Variants in CALN1 observed in about 807,000 individuals in gnomAD.
CALN1 encodes the protein calneuron 1, also known as calcium-binding protein 8.
CALN1 carries 17 observed loss-of-function variants against 30.6 expected under a neutral mutation model. The ratio of observed to expected loss-of-function variants is 0.56; its 90% CI spans 0.38 to 0.83. CALN1 has a LOEUF of 0.83. Ranked by LOEUF, CALN1 falls within the 40% of genes least tolerant of loss-of-function variation. The pLI, the probability that CALN1 is intolerant of heterozygous loss-of-function variation, is 0.00. For missense variants in CALN1, 291 were observed against 354.9 expected, an observed-to-expected ratio of 0.82 and a Z score of 1.45; for synonymous variants, 156 against 131.4, an observed-to-expected ratio of 1.19 and a Z score of -1.28.
At chr7:72,351,265 G>T (rs1051600208) in intron 2 of CALN1, among the ~76,000 whole-genome samples, 2 of 152,112 alleles carry the variant, frequency 1.3e-5, no homozygotes, top group Admixed American at 1.3e-4. Flanking sequence ...CCCTTTGGGA[G>T]GCTGAGGCAG....
At chr7:72,392,831 T>C (rs567518227) in intron 2 of CALN1, among the ~76,000 whole-genome samples, 1 of 109,250 alleles carries the variant, frequency 9.2e-6, no homozygotes, top group East Asian at 3.8e-4. Flanking sequence ...AGACCCTGTT[T>C]CATTAAAAAA....
chr7:72,147,258 A>C (rs529564948), intron 3 of CALN1, among the ~76,000 whole-genome samples: 1 of 152,296 alleles, frequency 6.6e-6, no homozygotes, highest in East Asian at 1.9e-4. Flanking sequence ...CAAAGAACTC[A>C]AACAAATTTA....
intron 5 of CALN1, among the ~76,000 whole-genome samples, chr7:71,897,238 GT>G (rs1192865481): frequency 6.6e-6 from 1 of 152,130 alleles, no homozygotes; most frequent in Non-Finnish European, 1.5e-5. Flanking sequence ...GGTGTTTATT[GT>G]TTTTTGTTAT....
intron 6 of CALN1, among the ~76,000 whole-genome samples, chr7:71,801,181 T>A (rs928342024): frequency 3.3e-5 from 5 of 152,114 alleles, no homozygotes; most frequent in African/African-American, 1.2e-4. Flanking sequence ...CCATGGTGTA[T>A]ATGTACCACA....
At chr7:72,251,462 G>A (rs531452645) in intron 3 of CALN1, among the ~76,000 whole-genome samples, 1 of 152,052 alleles carries the variant, frequency 6.6e-6, no homozygotes, top group Non-Finnish European at 1.5e-5. Flanking sequence ...GCAGTGGTGT[G>A]ATCATAGCTC....
intron 5 of CALN1, among the ~76,000 whole-genome samples, chr7:71,875,323 A>G (rs1792182992): frequency 6.6e-6 from 1 of 152,220 alleles, no homozygotes; most frequent in African/African-American, 2.4e-5. Context: ...GTCACACCCA[A>G]GTTTGCCACC....
intron 3 of CALN1, among the ~76,000 whole-genome samples, chr7:72,111,068 G>A (rs1360837141): frequency 6.6e-6 from 1 of 152,134 alleles, no homozygotes; most frequent in Non-Finnish European, 1.5e-5. Flanking sequence ...TCTCTGGTGC[G>A]CCAGGGCTAC....
chr7:72,051,141 G>C (rs1802811671), intron 4 of CALN1, among the ~76,000 whole-genome samples: 1 of 151,844 alleles, frequency 6.6e-6, no homozygotes, highest in Non-Finnish European at 1.5e-5. Context: ...GGTGATGGTA[G>C]AATTAGTTAA....
intron 2 of CALN1, among the ~76,000 whole-genome samples, chr7:72,399,706 A>G (rs1037694278): frequency 1.3e-5 from 2 of 152,200 alleles, no homozygotes; most frequent in African/African-American, 4.8e-5. Context: ...TAACTCCAAG[A>G]ATAAGACATA....
intron 4 of CALN1, 108 bp from the exon 5 acceptor site, chr7:72,023,877 A>G: frequency 1.5e-6 from 1 of 673,060 alleles, no homozygotes; most frequent in South Asian, 2.2e-5. Context: ...ACCTCAATCA[A>G]TGAAGAAGAG....
chr7:72,337,360 C>T (rs1802135860), intron 2 of CALN1: 1 of 929,144 alleles, frequency 1.1e-6, no homozygotes, highest in Admixed American at 6.2e-5. Flanking sequence ...CCAATGGCTC[C>T]CTCGGTTTCC....
At chr7:72,197,721 T>C (rs1478175788) in intron 3 of CALN1, among the ~76,000 whole-genome samples, 2 of 152,110 alleles carry the variant, frequency 1.3e-5, no homozygotes, top group Admixed American at 6.6e-5. Flanking sequence ...CCAGGCAAGA[T>C]GGTGCACACC....
At chr7:72,411,834 C>T (rs1481344273) in intron 1 of CALN1, among the ~76,000 whole-genome samples, 2 of 152,176 alleles carry the variant, frequency 1.3e-5, no homozygotes, top group African/African-American at 2.4e-5. Flanking sequence ...AATTGTCCTG[C>T]TTTTTCCATA....
intron 2 of CALN1, among the ~76,000 whole-genome samples, chr7:72,328,838 G>A (rs1801462931): frequency 6.6e-6 from 1 of 152,204 alleles, no homozygotes; most frequent in Non-Finnish European, 1.5e-5. Flanking sequence ...TGGGATTACA[G>A]GCACCCACCA....
chr7:72,410,530 T>G (rs1053844055), intron 1 of CALN1, among the ~76,000 whole-genome samples: 4 of 152,192 alleles, frequency 2.6e-5, no homozygotes, highest in African/African-American at 9.7e-5. Context: ...AGCCAAAATT[T>G]TAAGTCCACA....
intron 3 of CALN1, among the ~76,000 whole-genome samples, chr7:72,186,827 G>A (rs1235938351): frequency 2.8e-5 from 4 of 143,492 alleles, no homozygotes; most frequent in African/African-American, 1.0e-4. Flanking sequence ...GGACACCTGT[G>A]TTAATTCTCT....
chr7:71,839,526 A>T (rs74857380), intron 5 of CALN1, among the ~76,000 whole-genome samples: 2 of 152,150 alleles, frequency 1.3e-5, no homozygotes. Flanking sequence ...AGTGAAGCTA[A>T]GAAAATGACA....
intron 3 of CALN1, among the ~76,000 whole-genome samples, chr7:72,198,734 G>A (rs1791212593): frequency 6.6e-6 from 1 of 152,174 alleles, no homozygotes. Flanking sequence ...GCACTCTCAG[G>A]CACCAACTGT....
intron 3 of CALN1, among the ~76,000 whole-genome samples, chr7:72,155,898 C>T (rs1436067490): frequency 2.0e-5 from 3 of 152,134 alleles, no homozygotes; most frequent in African/African-American, 7.2e-5. Context: ...TGGCTCCCTC[C>T]TCCACCTTCA....
Sources: allele counts gnomAD v4.1 joint callset (sites outside exome capture counted in the v4.1 genomes callset), GRCh38; gene constraint gnomAD v4.1.1; transcripts MANE v1.5; gene names NCBI Gene and HGNC (gene_info 2026-07-23, HGNC 2026-07-21).